TUBB8: variants seen among roughly 807,000 people sequenced by gnomAD.
TUBB8 encodes the protein tubulin beta-8 chain.
In TUBB8, 25 loss-of-function variants were observed where a neutral mutation model predicts 33.7. That is an observed-to-expected ratio of 0.74 (90% CI 0.54 to 1.04). TUBB8 has a LOEUF of 1.04. Ranked by LOEUF, TUBB8 falls within the 50% of genes least tolerant of loss-of-function variation. The probability of loss-of-function intolerance (pLI) is 0.00; values close to 1 mark genes in which losing one functional copy is unlikely to be tolerated. For missense variants in TUBB8, 279 were observed against 608.0 expected, an observed-to-expected ratio of 0.46 and a Z score of 5.69; for synonymous variants, 245 against 240.1, an observed-to-expected ratio of 1.02 and a Z score of -0.19.
chr10:66,346 G>A (rs1391624225), intron 1 of TUBB8, among the ~76,000 whole-genome samples: 5 of 152,206 alleles, frequency 3.3e-5, no homozygotes, highest in Non-Finnish European at 7.3e-5. Context: ...ACATGAGAAT[G>A]TAATTATGAA....
At chr10:74,159 G>A (rs1297432485) in exon 1 of TUBB8, 1 of 146,678 alleles carries the variant, frequency 6.8e-6, no homozygotes. Flanking sequence ...GCCGCCGTGC[G>A]GTTCGGACAC....
chr10:59,342 C>T (rs1554740593), intron 1 of TUBB8, among the ~76,000 whole-genome samples: 1 of 152,160 alleles, frequency 6.6e-6, no homozygotes, highest in East Asian at 1.9e-4. Flanking sequence ...GTGCCCACCA[C>T]TGCACCCGGC....
intron 1 of TUBB8, among the ~76,000 whole-genome samples, chr10:72,254 T>TTAAA (rs375879668): frequency 4.8e-5 from 6 of 125,246 alleles, no homozygotes; most frequent in Non-Finnish European, 8.4e-5. Context: ...TTTTTTTAAT[T>TTAAA]AAAAAAAAAA....
intron 1 of TUBB8, among the ~76,000 whole-genome samples, chr10:72,911 G>C (rs1430539791): frequency 6.6e-6 from 1 of 151,678 alleles, no homozygotes; most frequent in African/African-American, 2.4e-5. Context: ...GGGCCATACG[G>C]GTTTACAGCT....
Position 62,029 on chromosome 10 carries a change from T to C in TUBB8, c.-845-11796A>G, listed in dbSNP as rs113106091. 1.4e-4 allele frequency among the ~76,000 whole-genome samples: 22 copies of C among 152,286 alleles called. No homozygotes were observed. In the East Asian group the frequency reaches 3.7e-3, roughly 25 times the overall value. ...TTTTTGTAGGTCACAGATTATTGTCTTGCTTCTCTATCCATTCATCCACTA... is the reference window on the plus strand; with the variant it reads ...TTTTTGTAGGTCACAGATTATTGTCCTGCTTCTCTATCCATTCATCCACTA... On this transcript the variant is annotated intron_variant, in intron 1 of 3. Coordinates refer to the TUBB8 transcript ENST00000564130.
chr10:56,803 C>T (rs1325781658), intron 1 of TUBB8, among the ~76,000 whole-genome samples: 1 of 152,088 alleles, frequency 6.6e-6, no homozygotes, highest in Non-Finnish European at 1.5e-5. Context: ...CTGGCCATTC[C>T]AAATCTCATA....
intron 1 of TUBB8, among the ~76,000 whole-genome samples, chr10:59,540 C>T (rs1554740614): frequency 6.6e-6 from 1 of 152,198 alleles, no homozygotes. Context: ...CATGTTGAAC[C>T]ATCCTTGTAT....
chr10:55,477 A>G (rs1411350722), intron 1 of TUBB8, among the ~76,000 whole-genome samples: 2 of 152,176 alleles, frequency 1.3e-5, no homozygotes, highest in East Asian at 1.9e-4. Flanking sequence ...ACTTTAAAAA[A>G]GCTTTCTGAC....
chr10:65,609 T>C (rs1422064147), intron 1 of TUBB8, among the ~76,000 whole-genome samples: 2 of 152,240 alleles, frequency 1.3e-5, no homozygotes, highest in Non-Finnish European at 2.9e-5. Context: ...CCTGTAATCC[T>C]AGCTACTCAG....
rs1834349844 is a variant in TUBB8, at chr10:47,220, C to T, written c.1172G>A (p.Arg391His). 2 of 1,613,238 alleles carry T rather than the reference C, an allele frequency of 1.2e-6. No homozygotes were observed. Among genetic ancestry groups the T allele is most frequent in the Non-Finnish European group, 1.7e-6 (2 of 1,179,888 alleles). ...CGTGTACCAGTGGAGGAAGGCCTTGCGCCTGAACATTGCTGTAAACTGCTC... is the reference window on the plus strand; with the variant it reads ...CGTGTACCAGTGGAGGAAGGCCTTGTGCCTGAACATTGCTGTAAACTGCTC... ...VSEQFTAMFR[R>H]KAFLHWYTGE... Residue 391 changes from arginine to histidine, a missense_variant, in exon 4 of 4, where the codon CGC becomes CAC. By Grantham distance (29) the Arg-to-His change is conservative. Coordinates refer to ENST00000568584, the MANE Select transcript of TUBB8 (RefSeq NM_177987.3).
At chr10:75,999 C>T (rs1423402856), upstream of TUBB8, among the ~76,000 whole-genome samples, 1 of 151,476 alleles carries the variant, frequency 6.6e-6, no homozygotes, top group African/African-American at 2.4e-5. Flanking sequence ...ATTAGCTGGG[C>T]GTGATGGCGG....
chr10:60,969 C>G (rs1261072409), intron 1 of TUBB8, among the ~76,000 whole-genome samples: 3 of 151,246 alleles, frequency 2.0e-5, no homozygotes, highest in Admixed American at 2.0e-4. Flanking sequence ...AGTAAACTAT[C>G]GCAAGAACAA....
At chr10:64,469 AC>A (rs1226637671) in intron 1 of TUBB8, among the ~76,000 whole-genome samples, 2 of 151,458 alleles carry the variant, frequency 1.3e-5, no homozygotes, top group Non-Finnish European at 2.9e-5. Context: ...CCTAACCCCA[AC>A]CCCAACACTA....
At chr10:59,416 T>C (rs1791447596) in intron 1 of TUBB8, among the ~76,000 whole-genome samples, 1 of 152,204 alleles carries the variant, frequency 6.6e-6, no homozygotes, top group African/African-American at 2.4e-5. Context: ...TTTGAACTCC[T>C]GAACTCAGGT....
chr10:62,177 T>G (rs1190894887), intron 1 of TUBB8, among the ~76,000 whole-genome samples: 5 of 152,210 alleles, frequency 3.3e-5, no homozygotes, highest in African/African-American at 4.8e-5. Context: ...TTCTTTTCTT[T>G]CTTCCTGTCT....
chr10:57,126 G>C (rs1834541204), intron 1 of TUBB8, among the ~76,000 whole-genome samples: 1 of 152,242 alleles, frequency 6.6e-6, no homozygotes, highest in African/African-American at 2.4e-5. Flanking sequence ...TTGACTCTAT[G>C]TCCCATTTCC....
At chr10:62,802 A>T (rs1482509692) in intron 1 of TUBB8, among the ~76,000 whole-genome samples, 1 of 152,236 alleles carries the variant, frequency 6.6e-6, no homozygotes, top group Admixed American at 6.5e-5. Context: ...AGCTTTTCTA[A>T]TATGTCATGC....
intron 1 of TUBB8, among the ~76,000 whole-genome samples, chr10:59,380 G>T (rs571019285): frequency 6.6e-6 from 1 of 152,090 alleles, no homozygotes. Context: ...GTAGATATGG[G>T]GTTTTGCCAC....
At chr10:69,657 G>A (rs1233076887) in intron 1 of TUBB8, among the ~76,000 whole-genome samples, 3 of 152,106 alleles carry the variant, frequency 2.0e-5, no homozygotes, top group Non-Finnish European at 4.4e-5. Context: ...GGGCATGGTG[G>A]CTCATGCTTG....
Sources: allele counts gnomAD v4.1 joint callset (sites outside exome capture counted in the v4.1 genomes callset), GRCh38; gene constraint gnomAD v4.1.1; transcripts MANE v1.5; gene names NCBI Gene and HGNC (gene_info 2026-07-23, HGNC 2026-07-21).